LRRK2: variants seen among roughly 807,000 people sequenced by gnomAD.
LRRK2 encodes leucine rich repeat kinase 2.
LRRK2 carries 203 observed loss-of-function variants against 302.6 expected under a neutral mutation model. The observed-to-expected ratio is 0.67, with a 90% CI of 0.60 to 0.75. LRRK2 has a LOEUF of 0.75. Ranked by LOEUF, LRRK2 falls within the 30% of genes least tolerant of loss-of-function variation. LRRK2 has a pLI of 0.00. For missense variants in LRRK2, 2,830 were observed against 2,951.0 expected (o/e 0.96, Z 0.95); for synonymous variants, 1,066 against 1,031.9 (o/e 1.03, Z -0.63).
chr12:40,345,224 A>G (rs762035069), intron 41 of LRRK2, among the ~76,000 whole-genome samples: 1 of 152,224 alleles, frequency 6.6e-6, no homozygotes, highest in Non-Finnish European at 1.5e-5. Context: ...AATTTTAGCA[A>G]ATGAAATAAT....
intron 47 of LRRK2, 91 bp downstream of exon 47, chr12:40,359,535 G>C (rs936174741): frequency 2.8e-6 from 3 of 1,054,482 alleles, no homozygotes; most frequent in South Asian, 1.6e-5. Context: ...AATTCATAAG[G>C]AAGATCTTTT....
chr12:40,312,066 T>C (rs1329994154), intron 31 of LRRK2, among the ~76,000 whole-genome samples: 1 of 152,090 alleles, frequency 6.6e-6, no homozygotes, highest in Non-Finnish European at 1.5e-5. Context: ...ATGTATCATA[T>C]CTTTAAAAAG....
chr12:40,304,398 T>C (rs1944738126), intron 27 of LRRK2: 2 of 537,684 alleles, frequency 3.7e-6, no homozygotes, highest in Non-Finnish European at 6.5e-6. Flanking sequence ...GGTAGTAGCC[T>C]TAATACTTCC....
chr12:40,294,026 T>C (rs1944272924), intron 21 of LRRK2, among the ~76,000 whole-genome samples: 2 of 151,706 alleles, frequency 1.3e-5, no homozygotes, highest in Admixed American at 1.3e-4. Flanking sequence ...ATGAACACTT[T>C]AGCTAGAAAT....
intron 14 of LRRK2, among the ~76,000 whole-genome samples, chr12:40,266,834 G>A (rs1943037432): frequency 6.6e-6 from 1 of 152,072 alleles, no homozygotes; most frequent in African/African-American, 2.4e-5. Context: ...AAAAAATGAT[G>A]AGTTCATGTC....
chr12:40,271,549 C>T (rs1412522085), intron 14 of LRRK2, among the ~76,000 whole-genome samples: 1 of 152,120 alleles, frequency 6.6e-6, no homozygotes, highest in African/African-American at 2.4e-5. Flanking sequence ...TTGAAAAACA[C>T]CTCCTAAGTA....
At chr12:40,242,299 C>T (rs1175886674) in intron 6 of LRRK2, among the ~76,000 whole-genome samples, 1 of 151,614 alleles carries the variant, frequency 6.6e-6, no homozygotes, top group Non-Finnish European at 1.5e-5. Flanking sequence ...TTGGTTGTGC[C>T]AAAACAAATA....
intron 2 of LRRK2, among the ~76,000 whole-genome samples, chr12:40,227,122 A>G (rs1940934713): frequency 6.6e-6 from 1 of 152,194 alleles, no homozygotes; most frequent in African/African-American, 2.4e-5. Context: ...CCTAGAGAGT[A>G]CCAGAGGCAA....
At chr12:40,259,400 C>A in intron 12 of LRRK2, 80 bp from the exon 13 acceptor site, 1 of 1,564,066 alleles carries the variant, frequency 6.4e-7, no homozygotes, top group Non-Finnish European at 8.8e-7. Flanking sequence ...GTTCTGCCCT[C>A]CTGTACTTAT....
chr12:40,250,761 T>C (rs1592161948), intron 8 of LRRK2, among the ~76,000 whole-genome samples: 1 of 152,204 alleles, frequency 6.6e-6, no homozygotes, highest in East Asian at 1.9e-4. Flanking sequence ...ACGCAGTGTG[T>C]GGTTTTCTCT....
chr12:40,310,291 A>G (rs1408766949), intron 30 of LRRK2, 140 bp from the exon 31 acceptor site: 10 of 825,078 alleles, frequency 1.2e-5, no homozygotes, highest in Middle Eastern at 3.5e-4. Flanking sequence ...AAAAAAGGAC[A>G]GTTGTTCTTT....
At chr12:40,300,004 G>C in intron 25 of LRRK2, among the ~76,000 whole-genome samples, 1 of 152,134 alleles carries the variant, frequency 6.6e-6, no homozygotes, top group East Asian at 1.9e-4. Flanking sequence ...GTACCCTGTG[G>C]TTCCCTTTAG....
At chr12:40,254,107 G>C (rs906297141) in intron 11 of LRRK2, among the ~76,000 whole-genome samples, 2 of 152,224 alleles carry the variant, frequency 1.3e-5, no homozygotes, top group African/African-American at 4.8e-5. Flanking sequence ...CAGGAATACT[G>C]CCAGAAATCC....
At chr12:40,316,332 C>T in intron 33 of LRRK2, 1 of 985,120 alleles carries the variant, frequency 1.0e-6, no homozygotes, top group Non-Finnish European at 1.2e-6. Context: ...AATCCTGTAC[C>T]ATGGAACTCA....
intron 39 of LRRK2, among the ~76,000 whole-genome samples, chr12:40,331,166 T>C (rs1945701714): frequency 6.6e-6 from 1 of 152,230 alleles, no homozygotes; most frequent in Non-Finnish European, 1.5e-5. Flanking sequence ...TCGTATGAAG[T>C]AAGTACTCTA....
chr12:40,335,566 A>G (rs1352380429), intron 40 of LRRK2, among the ~76,000 whole-genome samples: 1 of 152,148 alleles, frequency 6.6e-6, no homozygotes, highest in African/African-American at 2.4e-5. Flanking sequence ...ACCATCTCAC[A>G]TGTCTCAGAG....
In LRRK2 at chr12:40,245,000, G is replaced by GA. The variant is rs771819550; in HGVS notation, c.838+1335dup. Reference sequence around the variant, plus strand: ...AATAAACACAGTTTTTTGCAAGAGTGAAAAAAAAAAAAAAAAGAAAATACC... The same window carrying GA: ...AATAAACACAGTTTTTTGCAAGAGTGAAAAAAAAAAAAAAAAAGAAAATACC... On this transcript the variant is annotated intron_variant, in intron 7 of 50. Transcript: ENST00000298910. Among the ~76,000 whole-genome samples the GA allele has an allele frequency of 4.4e-3, 488 of 110,964 alleles. 3 individuals carry two copies. The highest frequency in any genetic ancestry group is 7.7e-3 in the African/African-American group (231 of 29,936). 72.8% of individuals were successfully genotyped at this position (110,964 alleles called of 152,430 possible).
At chr12:40,275,217 T>C (rs1003950646) in intron 16 of LRRK2, among the ~76,000 whole-genome samples, 5 of 152,248 alleles carry the variant, frequency 3.3e-5, no homozygotes, top group African/African-American at 1.2e-4. Flanking sequence ...ATTCACCATT[T>C]ATCTTGCCCA....
At chr12:40,299,491 G>A (rs771051216) in intron 25 of LRRK2, among the ~76,000 whole-genome samples, 2 of 152,116 alleles carry the variant, frequency 1.3e-5, no homozygotes, top group African/African-American at 2.4e-5. Flanking sequence ...ATCTGAAAAG[G>A]CTACATACTA....
Sources: allele counts gnomAD v4.1 joint callset (sites outside exome capture counted in the v4.1 genomes callset), GRCh38; gene constraint gnomAD v4.1.1; transcripts MANE v1.5; gene names NCBI Gene and HGNC (gene_info 2026-07-23, HGNC 2026-07-21).